LRP1B: variants seen among roughly 807,000 people sequenced by gnomAD.
LRP1B encodes the protein low-density lipoprotein receptor-related protein 1B.
A neutral mutation model predicts 556.6 loss-of-function variants in LRP1B; 217 were observed. The observed-to-expected ratio is 0.39, with a 90% CI of 0.35 to 0.44. The LOEUF (loss-of-function observed/expected upper bound fraction) is 0.44, where lower values mean the gene tolerates loss of function less well. Ranked by LOEUF, LRP1B falls within the 20% of genes least tolerant of loss-of-function variation. The pLI, the probability that LRP1B is intolerant of heterozygous loss-of-function variation, is 1.00. For missense variants in LRP1B, 5,053 were observed against 5,620.8 expected (o/e 0.90, Z 3.23); for synonymous variants, 2,047 against 1,865.8 (o/e 1.10, Z -2.50).
At chr2:141,258,463 C>T (rs924116251) in intron 3 of LRP1B, among the ~76,000 whole-genome samples, 19 of 152,012 alleles carry the variant, frequency 1.2e-4, no homozygotes, top group East Asian at 3.9e-4. Context: ...GTTGAGACTC[C>T]GCCTCAAAAA....
In LRP1B at chr2:141,810,043, A is replaced by G. The variant is rs567535943; in HGVS notation, c.205+236T>C. On this transcript the variant is annotated intron_variant, in intron 2 of 90. Transcript: ENST00000389484. ...TTTATGCTCTCCTTCACATACTCAT[A>G]TTTAAAAAAAAACACAAACAAAAGG... Among the ~76,000 whole-genome samples, 448 of 151,462 alleles carry G rather than the reference A, an allele frequency of 3.0e-3. 2 individuals carry two copies. Among genetic ancestry groups the G allele is most frequent in the African/African-American group, 0.01 (432 of 41,182 alleles).
chr2:141,256,041 G>T (rs1397309080), intron 3 of LRP1B, among the ~76,000 whole-genome samples: 6 of 151,736 alleles, frequency 4.0e-5, no homozygotes, highest in African/African-American at 1.5e-4. Context: ...GGAAGTGAGT[G>T]GTATTAAGTG....
intron 1 of LRP1B, among the ~76,000 whole-genome samples, chr2:142,114,789 A>T (rs1164794145): frequency 6.6e-6 from 1 of 152,118 alleles, no homozygotes; most frequent in Non-Finnish European, 1.5e-5. Context: ...TAGCTGGTTA[A>T]TGATTACAAC....
At chr2:141,681,027 T>A (rs1691082135) in intron 2 of LRP1B, among the ~76,000 whole-genome samples, 1 of 152,126 alleles carries the variant, frequency 6.6e-6, no homozygotes. Flanking sequence ...GCTCAGTGGC[T>A]CATGCTTGTA....
At chr2:141,605,885 C>T (rs1030615430) in intron 2 of LRP1B, among the ~76,000 whole-genome samples, 1 of 151,990 alleles carries the variant, frequency 6.6e-6, no homozygotes, top group Admixed American at 6.6e-5. Context: ...CTCCTTTAAG[C>T]CATTCTATCA....
chr2:141,878,618 T>C (rs1182718365), intron 1 of LRP1B, among the ~76,000 whole-genome samples: 1 of 152,120 alleles, frequency 6.6e-6, no homozygotes, highest in South Asian at 2.1e-4. Context: ...GAGGTGTTGA[T>C]AAAGTCATAT....
At chr2:140,511,828 G>T (rs1479793739) in intron 51 of LRP1B, among the ~76,000 whole-genome samples, 3 of 152,036 alleles carry the variant, frequency 2.0e-5, no homozygotes, top group Non-Finnish European at 4.4e-5. Flanking sequence ...TATTTTGTTT[G>T]CTAACTAGTA....
chr2:141,055,450 C>A (rs1296860904), intron 9 of LRP1B, among the ~76,000 whole-genome samples, 191 bp from the exon 10 acceptor site: 1 of 151,778 alleles, frequency 6.6e-6, no homozygotes, highest in Non-Finnish European at 1.5e-5. Context: ...AGGGATTTGA[C>A]AAAATCCTCC....
intron 84 of LRP1B, among the ~76,000 whole-genome samples, chr2:140,286,838 T>G (rs2104977834): frequency 6.6e-6 from 1 of 151,866 alleles, no homozygotes; most frequent in Admixed American, 6.6e-5. Context: ...AAAATGAAAA[T>G]TATAAAAATA....
intron 1 of LRP1B, among the ~76,000 whole-genome samples, chr2:142,043,896 G>C (rs557417559): frequency 1.3e-5 from 2 of 151,764 alleles, no homozygotes; most frequent in South Asian, 4.1e-4. Flanking sequence ...CAATAGGTGA[G>C]ACATATTTTG....
chr2:141,665,205 A>T (rs960119661), intron 2 of LRP1B, among the ~76,000 whole-genome samples: 5 of 152,184 alleles, frequency 3.3e-5, no homozygotes, highest in African/African-American at 1.2e-4. Context: ...TCTAATATTC[A>T]GAACCTACAA....
chr2:141,376,038 G>A (rs2104877462), intron 3 of LRP1B, among the ~76,000 whole-genome samples: 1 of 152,272 alleles, frequency 6.6e-6, no homozygotes, highest in Admixed American at 6.5e-5. Context: ...TAGTAGGGCA[G>A]TAAGGACCCT....
chr2:140,344,129 T>C (rs10496842), intron 77 of LRP1B, among the ~76,000 whole-genome samples: 5,968 of 151,920 alleles, frequency 0.039, 164 homozygotes, highest in Non-Finnish European at 0.057. Context: ...TGTACCAGCA[T>C]GTAAATTTAT....
intron 76 of LRP1B, 43 bp downstream of exon 76, chr2:140,352,910 A>G (rs1682037874): frequency 6.4e-7 from 1 of 1,568,854 alleles, no homozygotes; most frequent in Non-Finnish European, 8.6e-7. Context: ...AAATGTTTAC[A>G]ACAAAATTGT....
chr2:140,322,695 T>A (rs956513771), intron 81 of LRP1B, among the ~76,000 whole-genome samples: 4 of 152,042 alleles, frequency 2.6e-5, no homozygotes, highest in Non-Finnish European at 4.4e-5. Context: ...TTTGTTTAAA[T>A]TTTTATCCAA....
At chr2:141,899,272 A>G (rs1036604836) in intron 1 of LRP1B, among the ~76,000 whole-genome samples, 5 of 152,162 alleles carry the variant, frequency 3.3e-5, no homozygotes, top group Admixed American at 6.6e-5. Context: ...ATGAAGATTT[A>G]GTTCCCAAAG....
At chr2:140,361,435 A>G (rs1682512615) in intron 72 of LRP1B, among the ~76,000 whole-genome samples, 1 of 142,992 alleles carries the variant, frequency 7.0e-6, no homozygotes, top group Non-Finnish European at 1.5e-5. Flanking sequence ...TTATTAAATA[A>G]TTACAGATCT....
At chr2:141,627,993 A>G (rs1688762889) in intron 2 of LRP1B, among the ~76,000 whole-genome samples, 1 of 152,218 alleles carries the variant, frequency 6.6e-6, no homozygotes, top group African/African-American at 2.4e-5. Flanking sequence ...ATTAACAAAT[A>G]AATTTTAATA....
At chr2:141,360,537 T>A (rs140598428) in intron 3 of LRP1B, among the ~76,000 whole-genome samples, 1,816 of 152,336 alleles carry the variant, frequency 0.012, 24 homozygotes, top group Middle Eastern at 0.02. Context: ...TTGTTCTTTC[T>A]TTTTAAAGAA....
Sources: allele counts gnomAD v4.1 joint callset (sites outside exome capture counted in the v4.1 genomes callset), GRCh38; gene constraint gnomAD v4.1.1; transcripts MANE v1.5; gene names NCBI Gene and HGNC (gene_info 2026-07-23, HGNC 2026-07-21).